Variants in KRT78 observed in about 807,000 individuals in gnomAD.
The protein encoded by KRT78 is keratin, type II cytoskeletal 78.
Under a neutral mutation model 51.4 loss-of-function variants are expected in KRT78, and 55 were observed. That is an observed-to-expected ratio of 1.07 (90% CI 0.86 to 1.34). KRT78 has a LOEUF of 1.34. Among genes scored for constraint, KRT78 ranks in the 40% most tolerant of loss-of-function variants. KRT78 has a pLI of 0.00. For missense variants in KRT78, 652 were observed against 649.4 expected (o/e 1.00, Z -0.04); for synonymous variants, 291 against 264.3 (o/e 1.10, Z -0.98).
rs766560029 is a variant in KRT78 at position 52,846,784 on chromosome 12, C to T, written c.640G>A (p.Asp214Asn). Residue 214 changes from aspartate (D) to asparagine (N), a missense_variant, in exon 3 of 9, where the codon GAC becomes AAC. Transcript: ENST00000304620. ...EAHRRATLENDFVVLKKDVDG... is the reference protein window; with the variant it reads ...EAHRRATLENNFVVLKKDVDG... The stretch of plus-strand genomic sequence containing the variant: ...CTCACCTTCTTGAGGACCACAAAGT[C>T]GTTCTCAAGTGTGGCACGCCTGTGG... 21 of 1,613,694 alleles carry T rather than the reference C, an allele frequency of 1.3e-5. No individual in the cohort carries two copies. The Admixed American group carries it at 1.8e-4, about 14-fold the overall frequency.
chr12:52,844,737 A>T lies in KRT78; in HGVS notation c.757-14T>A. ...CTGGCCCAGCTCCTGCAGGGAAGAC[A>T]GACTCAGTGTCCACTCACCCCCAGC... On this transcript the variant is annotated splice_polypyrimidine_tract_variant and intron_variant, in intron 4 of 8. Coordinates refer to ENST00000304620, the MANE Select transcript of KRT78 (RefSeq NM_173352.4). The T allele has an allele frequency of 6.3e-7, 1 of 1,598,810 alleles. No individual in the cohort carries two copies. The highest frequency in any genetic ancestry group is 1.1e-5 in the South Asian group (1 of 88,964).
intron 7 of KRT78, 22 bp from the exon 8 acceptor site, chr12:52,839,509 G>C (rs757348008): frequency 1.1e-5 from 17 of 1,566,592 alleles, no homozygotes. Flanking sequence ...AGGACAAGAG[G>C]GGGATGCGCT....
chr12:52,844,861 T>C, intron 4 of KRT78, 138 bp from the exon 5 acceptor site: 2 of 695,046 alleles, frequency 2.9e-6, no homozygotes, highest in Non-Finnish European at 4.7e-6. Context: ...GAGTATGCCC[T>C]GCTCACCATG....
Position 52,839,856 on chromosome 12 carries a change from C to G in KRT78, c.1176G>C (p.Leu392=). Residue 392 remains leucine (L), a synonymous_variant, in exon 7 of 9, where the codon CTG becomes CTC. Transcript: ENST00000304620. ...LRMAKQNLAR[L]LCEYQELTST... is the part of the protein sequence containing the mutation. ...TCGTCAGCTCCTGGTACTCGCACAG[C>G]AGCCGGGCCAGGTTCTGCTTGGCCA... 1 of 1,614,084 alleles carries G rather than the reference C, an allele frequency of 6.2e-7. No homozygotes were observed. The highest frequency in any genetic ancestry group is 8.5e-7 in the Non-Finnish European group (1 of 1,180,016).
chr12:52,841,608 G>A (rs1940502274), intron 6 of KRT78, among the ~76,000 whole-genome samples: 1 of 152,214 alleles, frequency 6.6e-6, no homozygotes, highest in Non-Finnish European at 1.5e-5. Flanking sequence ...CAGGAAAGAA[G>A]GAATTGTCTA....
rs377013767 is a variant in KRT78 at position 52,844,742 on chromosome 12, C to T, written c.757-19G>A. On this transcript the variant is annotated intron_variant, in intron 4 of 8. Coordinates refer to ENST00000304620, the MANE Select transcript of KRT78 (RefSeq NM_173352.4). The stretch of plus-strand genomic sequence containing the variant: ...CCAGCTCCTGCAGGGAAGACAGACT[C>T]AGTGTCCACTCACCCCCAGCTCCTT... 6.9e-6 allele frequency: 11 copies of T among 1,594,040 alleles called. No individual in the cohort carries two copies. The South Asian group carries it at 1.1e-4, about 16-fold the overall frequency.
Position 52,848,553 on chromosome 12 carries a change from A to G in KRT78, c.378T>C (p.Ile126=), listed in dbSNP as rs1387332300. The G allele has an allele frequency of 3.7e-6, 6 of 1,613,834 alleles. No individual in the cohort carries two copies. The Admixed American group carries it at 8.3e-5, about 22-fold the overall frequency. ...TGGCTGAGTTGACCCTCACCTTGTC[A>G]ATGAAGGAAGCAAACTGGTTGTTGA... ...RTLNNQFASF[I]DKVRFLEQQN... Residue 126 remains isoleucine, a synonymous_variant, in exon 1 of 9, where the codon ATT becomes ATC. Coordinates refer to ENST00000304620, the MANE Select transcript of KRT78 (RefSeq NM_173352.4).
At position 52,839,981 on chromosome 12, in the gene KRT78, C is replaced by T. The variant is rs759718087; in HGVS notation, c.1051G>A (p.Ala351Thr). 24 of 1,612,010 alleles carry T rather than the reference C, an allele frequency of 1.5e-5. No homozygotes were observed. In the East Asian group the frequency reaches 3.3e-4, roughly 22 times the overall value. ...SQTENLKKQN[A>T]SLQAAITDAE... is the part of the protein sequence containing the mutation. Reference sequence around the variant, plus strand: ...TCAGTGATGGCGGCCTGCAGGCTGGCGTTCTGGAAGCGGGGTAGAAATGAG... The same window carrying T: ...TCAGTGATGGCGGCCTGCAGGCTGGTGTTCTGGAAGCGGGGTAGAAATGAG... Residue 351 changes from alanine to threonine, a missense_variant, in exon 7 of 9, where the codon GCC (alanine) becomes ACC (threonine). Coordinates refer to ENST00000304620, the MANE Select transcript of KRT78 (RefSeq NM_173352.4).
At chr12:52,846,373 C>A in intron 3 of KRT78, 81 bp from the exon 4 acceptor site, 1 of 844,462 alleles carries the variant, frequency 1.2e-6, no homozygotes, top group Non-Finnish European at 2.1e-6. Context: ...TCTGTTCATG[C>A]ACTGCTCAAC....
chr12:52,841,210 G>T (rs72648104), intron 6 of KRT78, among the ~76,000 whole-genome samples: 1 of 151,940 alleles, frequency 6.6e-6, no homozygotes, highest in Non-Finnish European at 1.5e-5. Flanking sequence ...TCTACCGGGC[G>T]CGGTGGCTCA....
At chr12:52,843,924 T>C (rs1940577353) in intron 6 of KRT78, among the ~76,000 whole-genome samples, 169 bp downstream of exon 6, 2 of 152,102 alleles carry the variant, frequency 1.3e-5, no homozygotes, top group African/African-American at 4.8e-5. Context: ...TCACCCTAGA[T>C]GGGGCTTGAA....
At position 52,847,669 on chromosome 12, in the gene KRT78, G is replaced by A. The variant is rs567136396; in HGVS notation, c.599+238C>T. On this transcript the variant is annotated intron_variant, in intron 2 of 8. Transcript: ENST00000304620. Reference sequence around the variant, plus strand: ...TTGTAGCTGGGGCATGTAGGACACCGGTCTCCCTGCCTTTCCTCCAAGGTT... The same window carrying A: ...TTGTAGCTGGGGCATGTAGGACACCAGTCTCCCTGCCTTTCCTCCAAGGTT... Among the ~76,000 whole-genome samples the A allele has an allele frequency of 7.6e-4, 115 of 152,304 alleles. 1 individual carries two copies. The highest frequency in any genetic ancestry group is 1.2e-3 in the Non-Finnish European group (85 of 68,014).
In KRT78 at chr12:52,848,782, C is replaced by A. The variant is rs772032272; in HGVS notation, c.149G>T (p.Gly50Val). 6.2e-7 allele frequency: 1 copy of A among 1,612,720 alleles called. No individual in the cohort carries two copies. Among genetic ancestry groups the A allele is most frequent in the Non-Finnish European group, 8.5e-7 (1 of 1,179,534 alleles). The change falls in exon 1 of 9, where the codon GGC becomes GTC. Residue 50 changes from glycine (G) to valine (V), a missense_variant. Transcript: ENST00000304620. ...SLNSFGGCLEGSRGSTWGSGG... is the reference protein window; with the variant it reads ...SLNSFGGCLEVSRGSTWGSGG... ...TGACCCCCAGGTACTCCCACGAGAG[C>A]CTTCCAGGCACCCCCCAAAGGAATT...
rs1172687296 is a variant in KRT78, at chr12:52,848,265, C to T, written c.385-144G>A. 5.2e-6 allele frequency: 8 copies of T among 1,540,212 alleles called. No homozygotes were observed. In the Admixed American group the frequency reaches 1.4e-4, roughly 26 times the overall value. ...ACCTGGGCAGGGGAAGCCTCATGAC[C>T]TTCCATGACACTCTGAACACAACAA... is the stretch of plus-strand genomic sequence containing the variant. On this transcript the variant is annotated intron_variant, in intron 1 of 8. Coordinates refer to ENST00000304620, the MANE Select transcript of KRT78 (RefSeq NM_173352.4).
rs1592142069 is a variant in KRT78 at position 52,837,817 on chromosome 12, A to T, written c.*1296T>A. 6.6e-6 allele frequency: 1 copy of T among 152,380 alleles called. No homozygotes were observed. The highest frequency in any genetic ancestry group is 1.5e-5 in the Non-Finnish European group (1 of 68,046). The allele number at this position is 152,380 out of a possible 1,614,324, so 9.4% of individuals were successfully genotyped here. The stretch of plus-strand genomic sequence containing the variant: ...AAACGGAAATTATACTTTTTCAAAA[A>T]GTCAATTTAATTGAACTACCTTGGA... On this transcript the variant is annotated 3_prime_UTR_variant, in exon 9 of 9. Coordinates refer to ENST00000304620, the MANE Select transcript of KRT78 (RefSeq NM_173352.4).
At position 52,844,159 on chromosome 12, in the gene KRT78, G is replaced by T; in HGVS notation, c.981C>A (p.Val327=). ...TCTCTTGGTGTAGCTGAGAGATCTGGACTTTCGTTTCCTGCATCCTGTCCC... is the reference window on the plus strand; with the variant it reads ...TCTCTTGGTGTAGCTGAGAGATCTGTACTTTCGTTTCCTGCATCCTGTCCC... The part of the protein sequence containing the change: ...LHGDRMQETK[V]QISQLHQEIQ... The change falls in exon 6 of 9, where the codon GTC becomes GTA. Residue 327 remains valine, a synonymous_variant. Coordinates refer to ENST00000304620, the MANE Select transcript of KRT78 (RefSeq NM_173352.4). 6.2e-7 allele frequency: 1 copy of T among 1,611,834 alleles called. No homozygotes were observed. The highest frequency in any genetic ancestry group is 8.5e-7 in the Non-Finnish European group (1 of 1,179,416).
intron 6 of KRT78, among the ~76,000 whole-genome samples, chr12:52,840,451 C>T (rs957521290): frequency 6.6e-5 from 10 of 152,030 alleles, no homozygotes; most frequent in South Asian, 2.1e-4. Flanking sequence ...GCCTGTAATC[C>T]TAGCACTTTA....
At position 52,839,212 on chromosome 12, in the gene KRT78, C is replaced by T. The variant is rs769346880; in HGVS notation, c.1464G>A (p.Leu488=). The change falls in exon 9 of 9, where the codon TTG becomes TTA. Residue 488 remains leucine, a synonymous_variant. Coordinates refer to ENST00000304620, the MANE Select transcript of KRT78 (RefSeq NM_173352.4). ...IILGSGKDPV[L]DSCSVSGSSA... ...TGGAGCCAGACACAGAGCAGGAATCCAAAACAGGGTCCTTCCCAGAGCCCA... is the reference window on the plus strand; with the variant it reads ...TGGAGCCAGACACAGAGCAGGAATCTAAAACAGGGTCCTTCCCAGAGCCCA... 5.6e-6 allele frequency: 9 copies of T among 1,612,550 alleles called. No individual in the cohort carries two copies. In the East Asian group the frequency reaches 6.7e-5, roughly 12 times the overall value.
At chr12:52,847,476 G>A (rs1005517885) in intron 2 of KRT78, among the ~76,000 whole-genome samples, 2 of 152,204 alleles carry the variant, frequency 1.3e-5, no homozygotes, top group South Asian at 2.1e-4. Flanking sequence ...TGTGTCACAG[G>A]CCTGGGGACA....
Sources: allele counts gnomAD v4.1 joint callset (sites outside exome capture counted in the v4.1 genomes callset), GRCh38; gene constraint gnomAD v4.1.1; transcripts MANE v1.5; gene names NCBI Gene and HGNC (gene_info 2026-07-23, HGNC 2026-07-21).